Variants in RBFOX1 observed in about 807,000 individuals in gnomAD.
The protein encoded by RBFOX1 is RNA binding fox-1 homolog 1, also known as RNA binding protein fox-1 homolog 1.
Under a neutral mutation model 57.7 loss-of-function variants are expected in RBFOX1, and 8 were observed. The ratio of observed to expected loss-of-function variants is 0.14; its 90% CI spans 0.08 to 0.25. The LOEUF (loss-of-function observed/expected upper bound fraction) is 0.25, where lower values mean the gene tolerates loss of function less well. Ranked by LOEUF, RBFOX1 falls within the 10% of genes least tolerant of loss-of-function variation. RBFOX1 has a pLI of 1.00. For missense variants in RBFOX1, 611 were observed against 548.5 expected, an observed-to-expected ratio of 1.11 and a Z score of -1.14; for synonymous variants, 326 against 222.4, an observed-to-expected ratio of 1.47 and a Z score of -4.15.
chr16:5,962,227 C>T (rs2059764235), intron 4 of RBFOX1, among the ~76,000 whole-genome samples: 1 of 152,182 alleles, frequency 6.6e-6, no homozygotes, highest in Non-Finnish European at 1.5e-5. Flanking sequence ...TACCTACATC[C>T]TTGGCAAGAT....
chr16:5,290,680 G>A (rs2063511867), intron 1 of RBFOX1, among the ~76,000 whole-genome samples: 1 of 150,180 alleles, frequency 6.7e-6, no homozygotes, highest in South Asian at 2.1e-4. Flanking sequence ...AGGTTGATAG[G>A]CATAGAGCAG....
chr16:6,682,691 C>T (rs550903170), intron 3 of RBFOX1, among the ~76,000 whole-genome samples: 3 of 151,774 alleles, frequency 2.0e-5, no homozygotes, highest in Admixed American at 1.3e-4. Context: ...ATGTGTCCCC[C>T]GGCGCGCAAA....
At chr16:5,750,823 G>A (rs373910456) in intron 3 of RBFOX1, among the ~76,000 whole-genome samples, 2 of 152,216 alleles carry the variant, frequency 1.3e-5, no homozygotes, top group Non-Finnish European at 2.9e-5. Context: ...CAGGTTAGTC[G>A]ATGCCTCGCC....
chr16:6,993,344 T>G (rs543565263), intron 3 of RBFOX1, among the ~76,000 whole-genome samples: 1 of 152,310 alleles, frequency 6.6e-6, no homozygotes, highest in South Asian at 2.1e-4. Context: ...TATTAAAAAC[T>G]AACGAATAGG....
At chr16:6,978,384 A>T (rs576991226) in intron 3 of RBFOX1, among the ~76,000 whole-genome samples, 36 of 152,354 alleles carry the variant, frequency 2.4e-4, no homozygotes, top group Non-Finnish European at 1.3e-4. Flanking sequence ...TACAGACGTC[A>T]TGAGGACAAT....
At chr16:6,885,612 A>G (rs11077100) in intron 3 of RBFOX1, among the ~76,000 whole-genome samples, 88,548 of 151,690 alleles carry the variant, frequency 0.58, 26,308 homozygotes, top group East Asian at 0.85. Context: ...GCTCACTGCC[A>G]CCTCTGCCTC....
At chr16:5,793,640 G>C (rs2054778700) in intron 3 of RBFOX1, among the ~76,000 whole-genome samples, 1 of 152,222 alleles carries the variant, frequency 6.6e-6, no homozygotes, top group South Asian at 2.1e-4. Context: ...ACAAAGCAGT[G>C]AGGAACCCGG....
At chr16:6,760,082 G>T (rs1313412691) in intron 3 of RBFOX1, among the ~76,000 whole-genome samples, 10 of 152,212 alleles carry the variant, frequency 6.6e-5, no homozygotes, top group Admixed American at 5.9e-4. Context: ...TCCAAACTCA[G>T]TGTGATCTTG....
chr16:5,571,998 C>T (rs1412483342), intron 2 of RBFOX1, among the ~76,000 whole-genome samples: 1 of 152,192 alleles, frequency 6.6e-6, no homozygotes, highest in Non-Finnish European at 1.5e-5. Context: ...GGAGACCAGC[C>T]TCCTCTATTC....
At chr16:6,310,731 G>A (rs148550643) in intron 1 of RBFOX1, among the ~76,000 whole-genome samples, 1 of 152,232 alleles carries the variant, frequency 6.6e-6, no homozygotes, top group Non-Finnish European at 1.5e-5. Context: ...TCGAGGTGCT[G>A]CCACTCCAAT....
intron 1 of RBFOX1, among the ~76,000 whole-genome samples, chr16:6,165,689 C>T (rs1481157399): frequency 6.6e-6 from 1 of 152,214 alleles, no homozygotes; most frequent in Non-Finnish European, 1.5e-5. Flanking sequence ...CGTCTAAACG[C>T]ACAACATGCA....
At chr16:7,237,072 T>A (rs4490018) in intron 4 of RBFOX1, among the ~76,000 whole-genome samples, 4 of 152,068 alleles carry the variant, frequency 2.6e-5, no homozygotes, top group African/African-American at 4.8e-5. Flanking sequence ...GGTAGAGAGC[T>A]GTGTGGGGTT....
At chr16:7,374,788 C>G (rs759667425) in intron 4 of RBFOX1, among the ~76,000 whole-genome samples, 2 of 152,180 alleles carry the variant, frequency 1.3e-5, no homozygotes, top group Non-Finnish European at 1.5e-5. Flanking sequence ...TCCTGGCAAC[C>G]TAGAGTTACC....
intron 3 of RBFOX1, among the ~76,000 whole-genome samples, chr16:6,893,566 A>G (rs1186196012): frequency 6.6e-6 from 1 of 152,136 alleles, no homozygotes; most frequent in South Asian, 2.1e-4. Flanking sequence ...ATGAGCCCCA[A>G]AGTAAATTTA....
At chr16:6,795,804 T>A (rs1312582034) in intron 3 of RBFOX1, among the ~76,000 whole-genome samples, 1 of 151,954 alleles carries the variant, frequency 6.6e-6, no homozygotes, top group African/African-American at 2.4e-5. Context: ...TAGTCATCGT[T>A]GCTTTCTTTT....
chr16:7,559,434 C>G (rs1470968420), intron 5 of RBFOX1, among the ~76,000 whole-genome samples: 1 of 152,142 alleles, frequency 6.6e-6, no homozygotes, highest in Non-Finnish European at 1.5e-5. Context: ...GTCAGAGAAA[C>G]CATTGGAAAC....
intron 1 of RBFOX1, among the ~76,000 whole-genome samples, chr16:6,132,814 C>A (rs565473538): frequency 1.8e-4 from 28 of 152,100 alleles, no homozygotes; most frequent in African/African-American, 5.1e-4. Context: ...TAGGAAAATC[C>A]TGTCTCTACT....
chr16:6,222,795 C>T (rs949468498), intron 1 of RBFOX1, among the ~76,000 whole-genome samples: 2 of 151,648 alleles, frequency 1.3e-5, no homozygotes, highest in African/African-American at 4.8e-5. Flanking sequence ...TGGTGTGCTG[C>T]ACCCATTAAC....
At chr16:5,536,460 T>C (rs4072294) in intron 2 of RBFOX1, among the ~76,000 whole-genome samples, 6,404 of 152,094 alleles carry the variant, frequency 0.042, 470 homozygotes, top group African/African-American at 0.15. Flanking sequence ...GATCTTGAAC[T>C]CCTGACCTCA....
Sources: allele counts gnomAD v4.1 joint callset (sites outside exome capture counted in the v4.1 genomes callset), GRCh38; gene constraint gnomAD v4.1.1; transcripts MANE v1.5; gene names NCBI Gene and HGNC (gene_info 2026-07-23, HGNC 2026-07-21).